PHACTR1: variants seen among roughly 807,000 people sequenced by gnomAD.
PHACTR1 encodes the protein RPEL repeat containing 1.
In PHACTR1, 16 loss-of-function variants were observed where a neutral mutation model predicts 69.2. The observed-to-expected ratio is 0.23, with a 90% CI of 0.16 to 0.35. The LOEUF (loss-of-function observed/expected upper bound fraction) is 0.35. Among genes scored for constraint, PHACTR1 ranks in the 10% least tolerant of loss-of-function variants. The pLI is 1.00. For missense variants in PHACTR1, 510 were observed against 734.7 expected (o/e 0.69, Z 3.54); for synonymous variants, 312 against 284.5 (o/e 1.10, Z -0.97).
chr6:13,168,081 A>G (rs1250556370), intron 6 of PHACTR1, among the ~76,000 whole-genome samples: 1 of 152,164 alleles, frequency 6.6e-6, no homozygotes, highest in Non-Finnish European at 1.5e-5. Context: ...ATTGTTTGTC[A>G]TGTTTTTAGC....
intron 5 of PHACTR1, among the ~76,000 whole-genome samples, chr6:13,104,013 G>A (rs567254379): frequency 6.6e-6 from 1 of 152,198 alleles, no homozygotes; most frequent in Non-Finnish European, 1.5e-5. Flanking sequence ...GAACCCGGGA[G>A]GTGAAGGTTG....
chr6:13,215,020 C>A (rs1275833009), intron 8 of PHACTR1, among the ~76,000 whole-genome samples: 1 of 152,164 alleles, frequency 6.6e-6, no homozygotes, highest in Admixed American at 6.5e-5. Context: ...AGTCCCTGAG[C>A]AGCTAAATGA....
chr6:13,045,789 G>A, intron 4 of PHACTR1, among the ~76,000 whole-genome samples: 1 of 152,222 alleles, frequency 6.6e-6, no homozygotes. Context: ...GCAGGAGGCA[G>A]CAGTACACCT....
At chr6:13,141,198 C>T (rs901845373) in intron 5 of PHACTR1, among the ~76,000 whole-genome samples, 1 of 152,184 alleles carries the variant, frequency 6.6e-6, no homozygotes, top group Non-Finnish European at 1.5e-5. Flanking sequence ...TATCCCCTCC[C>T]TAACTCCAGC....
At chr6:12,986,387 A>C (rs1351711539) in intron 4 of PHACTR1, among the ~76,000 whole-genome samples, 1 of 152,228 alleles carries the variant, frequency 6.6e-6, no homozygotes, top group Non-Finnish European at 1.5e-5. Flanking sequence ...CTAAATAGAC[A>C]ATAGTTCTAA....
chr6:12,785,195 T>C (rs1430052310), intron 4 of PHACTR1, among the ~76,000 whole-genome samples: 5 of 152,156 alleles, frequency 3.3e-5, no homozygotes, highest in African/African-American at 4.8e-5. Flanking sequence ...CATACCTATG[T>C]GAAAAATGCA....
chr6:12,804,787 G>T (rs1451963672), intron 4 of PHACTR1, among the ~76,000 whole-genome samples: 1 of 152,102 alleles, frequency 6.6e-6, no homozygotes, highest in African/African-American at 2.4e-5. Flanking sequence ...TGACAGAGTG[G>T]CACCCTGTTT....
chr6:13,243,244 CTTTT>C (rs58107564), intron 10 of PHACTR1, among the ~76,000 whole-genome samples: 3,685 of 136,252 alleles, frequency 0.027, 53 homozygotes, highest in South Asian at 0.047. Context: ...TGTCAGACCA[CTTTT>C]TTTTTTTTTT....
At chr6:12,825,645 G>C (rs1348565315) in intron 4 of PHACTR1, among the ~76,000 whole-genome samples, 1 of 152,174 alleles carries the variant, frequency 6.6e-6, no homozygotes, top group Non-Finnish European at 1.5e-5. Context: ...TCAAAGGCCT[G>C]TTTCCTGCCT....
At chr6:13,151,691 G>C (rs1824332527) in intron 5 of PHACTR1, among the ~76,000 whole-genome samples, 1 of 152,152 alleles carries the variant, frequency 6.6e-6, no homozygotes, top group African/African-American at 2.4e-5. Flanking sequence ...GGAAGAAAAA[G>C]ACTTGTAGAA....
At chr6:12,849,772 T>G (rs546095961) in intron 4 of PHACTR1, among the ~76,000 whole-genome samples, 1 of 152,178 alleles carries the variant, frequency 6.6e-6, no homozygotes, top group Non-Finnish European at 1.5e-5. Flanking sequence ...TTTCTTCTTT[T>G]TCCCCCAGAA....
intron 11 of PHACTR1, chr6:13,277,857 G>A (rs1234646251): frequency 6.3e-6 from 1 of 158,716 alleles, no homozygotes; most frequent in Non-Finnish European, 1.4e-5. Flanking sequence ...GGCCGAAGTA[G>A]GAGAATCACT....
At chr6:13,268,860 G>A (rs1220811180) in intron 10 of PHACTR1, among the ~76,000 whole-genome samples, 5 of 152,228 alleles carry the variant, frequency 3.3e-5, no homozygotes, top group African/African-American at 1.2e-4. Flanking sequence ...TCGCTTTCCA[G>A]AGAAATGAAA....
intron 4 of PHACTR1, among the ~76,000 whole-genome samples, chr6:12,777,179 A>G (rs1770164118): frequency 6.6e-6 from 1 of 151,858 alleles, no homozygotes. Context: ...CTTCTGAAGA[A>G]TTATAGTGTA....
intron 4 of PHACTR1, among the ~76,000 whole-genome samples, chr6:12,855,030 G>C (rs6934996): frequency 6.6e-6 from 1 of 152,122 alleles, no homozygotes; most frequent in South Asian, 2.1e-4. Flanking sequence ...CAGCAATCCC[G>C]TTAGTGGGTG....
At chr6:12,934,622 G>A (rs1789237227) in intron 4 of PHACTR1, among the ~76,000 whole-genome samples, 2 of 152,142 alleles carry the variant, frequency 1.3e-5, no homozygotes, top group South Asian at 2.1e-4. Flanking sequence ...GATCATTTGA[G>A]GTCAGGAGTT....
At chr6:12,900,672 TG>T (rs1785097569) in intron 4 of PHACTR1, among the ~76,000 whole-genome samples, 1 of 152,222 alleles carries the variant, frequency 6.6e-6, no homozygotes, top group Non-Finnish European at 1.5e-5. Context: ...TACTCCAGCC[TG>T]GGCAACACAG....
intron 4 of PHACTR1, among the ~76,000 whole-genome samples, chr6:12,973,771 G>C (rs1582778099): frequency 6.6e-6 from 1 of 152,132 alleles, no homozygotes; most frequent in African/African-American, 2.4e-5. Flanking sequence ...CTGACCAAAG[G>C]CACGCTGCAA....
chr6:13,251,574 G>A (rs1442668755), intron 10 of PHACTR1, among the ~76,000 whole-genome samples: 3 of 152,066 alleles, frequency 2.0e-5, no homozygotes, highest in Non-Finnish European at 4.4e-5. Flanking sequence ...TGATGTGACC[G>A]GAATGTGAGA....
Sources: gnomAD v4.1 joint callset for allele counts (sites outside exome capture counted in the v4.1 genomes callset) on GRCh38, gnomAD v4.1.1 for gene constraint, MANE v1.5 for transcripts, NCBI Gene and HGNC (gene_info 2026-07-23, HGNC 2026-07-21) for gene names.